BBOX1: variants seen among roughly 807,000 people sequenced by gnomAD.
The protein encoded by BBOX1 is gamma-butyrobetaine dioxygenase.
BBOX1 carries 35 observed loss-of-function variants against 41.6 expected under a neutral mutation model. That is an observed-to-expected ratio of 0.84 (90% confidence interval 0.64 to 1.11). The LOEUF is 1.11. BBOX1 is among the 50% of genes most tolerant of loss of function. The pLI, the probability that BBOX1 is intolerant of heterozygous loss-of-function variation, is 0.00. For missense variants in BBOX1, 458 were observed against 460.6 expected, an observed-to-expected ratio of 0.99 and a Z score of 0.05; for synonymous variants, 163 against 154.7, an observed-to-expected ratio of 1.05 and a Z score of -0.40.
At chr11:27,077,141 A>T (rs536639564) in intron 4 of BBOX1, among the ~76,000 whole-genome samples, 1 of 152,136 alleles carries the variant, frequency 6.6e-6, no homozygotes, top group South Asian at 2.1e-4. Context: ...TTCAGTTGGG[A>T]GCCTCTCTCA....
intron 4 of BBOX1, among the ~76,000 whole-genome samples, chr11:27,061,002 T>C (rs536195423): frequency 6.6e-6 from 1 of 152,314 alleles, no homozygotes; most frequent in South Asian, 2.1e-4. Context: ...GTGTCACAAA[T>C]GTATTTTTTT....
intron 2 of BBOX1, among the ~76,000 whole-genome samples, chr11:27,050,812 T>G (rs1348610666): frequency 1.3e-5 from 2 of 152,112 alleles, no homozygotes; most frequent in Non-Finnish European, 2.9e-5. Flanking sequence ...CCTTTCAGAT[T>G]TGGATGCCTT....
chr11:27,120,328 T>C (rs1183047825), intron 7 of BBOX1, among the ~76,000 whole-genome samples: 1 of 152,174 alleles, frequency 6.6e-6, no homozygotes, highest in Non-Finnish European at 1.5e-5. Flanking sequence ...CCACAAACAA[T>C]GCTTTTACTT....
intron 5 of BBOX1, among the ~76,000 whole-genome samples, chr11:27,106,599 G>A (rs1397028934): frequency 6.6e-6 from 1 of 152,104 alleles, no homozygotes; most frequent in East Asian, 1.9e-4. Context: ...AGTCCTTAGA[G>A]ACCTACAAAG....
At chr11:27,084,997 A>C (rs1857982847) in intron 4 of BBOX1, among the ~76,000 whole-genome samples, 1 of 152,188 alleles carries the variant, frequency 6.6e-6, no homozygotes, top group East Asian at 1.9e-4. Flanking sequence ...TGTGAAACTT[A>C]AATTTGTTTT....
At chr11:27,111,061 C>CTT (rs144113002) in intron 5 of BBOX1, among the ~76,000 whole-genome samples, 18 of 151,196 alleles carry the variant, frequency 1.2e-4, no homozygotes, top group African/African-American at 4.1e-4. Context: ...TTTTAATTCA[C>CTT]TTTTTTTTAA....
chr11:27,111,631 GTACATTCAC>G (rs1435770216), intron 5 of BBOX1, among the ~76,000 whole-genome samples: 1 of 151,694 alleles, frequency 6.6e-6, no homozygotes, highest in Admixed American at 6.6e-5. Context: ...GTGTCATTTA[GTACATTCAC>G]AATTTTGTGC....
At chr11:27,082,757 C>T (rs1488842347) in intron 4 of BBOX1, among the ~76,000 whole-genome samples, 7 of 152,012 alleles carry the variant, frequency 4.6e-5, no homozygotes, top group African/African-American at 1.7e-4. Context: ...GCTCAATAAA[C>T]GTTAGGTTCA....
intron 2 of BBOX1, among the ~76,000 whole-genome samples, chr11:27,050,130 T>A (rs1444059918): frequency 6.6e-6 from 1 of 152,190 alleles, no homozygotes; most frequent in East Asian, 1.9e-4. Context: ...CCATTTAGTG[T>A]TCTTGGGATC....
At chr11:27,057,388 C>T in intron 4 of BBOX1, 73 bp downstream of exon 4, 7 of 1,212,582 alleles carry the variant, frequency 5.8e-6, no homozygotes, top group Non-Finnish European at 8.2e-6. Flanking sequence ...AATTTGCTCA[C>T]AGAAAATTCA....
intron 4 of BBOX1, among the ~76,000 whole-genome samples, chr11:27,087,324 C>A (rs1858080380): frequency 6.6e-6 from 1 of 152,042 alleles, no homozygotes; most frequent in Non-Finnish European, 1.5e-5. Context: ...GCCACCCCAG[C>A]CCTCACCAAC....
At chr11:27,077,235 A>T (rs1307116861) in intron 4 of BBOX1, among the ~76,000 whole-genome samples, 1 of 152,062 alleles carries the variant, frequency 6.6e-6, no homozygotes, top group Non-Finnish European at 1.5e-5. Context: ...CCCTCCATCC[A>T]TGCTGGAGAC....
At chr11:27,054,217 G>A (rs1856903678) in intron 2 of BBOX1, among the ~76,000 whole-genome samples, 1 of 150,310 alleles carries the variant, frequency 6.7e-6, no homozygotes, top group Admixed American at 6.7e-5. Context: ...GTGTGTGTGT[G>A]TGTGTGTGTG....
chr11:27,074,511 A>T (rs1248722525), intron 4 of BBOX1, among the ~76,000 whole-genome samples: 1 of 152,110 alleles, frequency 6.6e-6, no homozygotes, highest in East Asian at 1.9e-4. Context: ...TCAGATGGAG[A>T]TGGGAAATTT....
chr11:27,104,712 A>T (rs1255866926), intron 5 of BBOX1, among the ~76,000 whole-genome samples: 2 of 152,170 alleles, frequency 1.3e-5, no homozygotes, highest in Non-Finnish European at 2.9e-5. Flanking sequence ...GCAGACTTAA[A>T]TGTCCCTGTC....
chr11:27,122,633 T>C (rs540917155), intron 7 of BBOX1, among the ~76,000 whole-genome samples: 1 of 152,236 alleles, frequency 6.6e-6, no homozygotes, highest in East Asian at 1.9e-4. Context: ...TCCTCATAAA[T>C]TATGACATGG....
intron 2 of BBOX1, among the ~76,000 whole-genome samples, chr11:27,051,970 G>T (rs1851684361): frequency 6.6e-6 from 1 of 151,866 alleles, no homozygotes; most frequent in Non-Finnish European, 1.5e-5. Context: ...CATCTCAAAA[G>T]TTTGTTATGA....
At chr11:27,110,682 C>T (rs1859029879) in intron 5 of BBOX1, among the ~76,000 whole-genome samples, 1 of 151,810 alleles carries the variant, frequency 6.6e-6, no homozygotes, top group Non-Finnish European at 1.5e-5. Context: ...CTTCTCTGAC[C>T]CCATTCCTTA....
intron 4 of BBOX1, among the ~76,000 whole-genome samples, chr11:27,087,629 G>A (rs185814299): frequency 1.7e-4 from 26 of 152,140 alleles, no homozygotes; most frequent in African/African-American, 5.8e-4. Flanking sequence ...AACTCCAAGG[G>A]TATGTCTATA....
Sources: allele counts gnomAD v4.1 joint callset (sites outside exome capture counted in the v4.1 genomes callset), GRCh38; gene constraint gnomAD v4.1.1; transcripts MANE v1.5; gene names NCBI Gene and HGNC (gene_info 2026-07-23, HGNC 2026-07-21).